PCDH15: variants seen among roughly 807,000 people sequenced by gnomAD.
PCDH15 encodes protocadherin related 15.
A neutral mutation model predicts 178.5 loss-of-function variants in PCDH15; 129 were observed. The observed-to-expected ratio is 0.72, with a 90% CI of 0.63 to 0.84. The LOEUF (loss-of-function observed/expected upper bound fraction) is 0.84, where lower values mean the gene tolerates loss of function less well. PCDH15 is among the 40% of genes least tolerant of loss of function. PCDH15 has a pLI of 0.00. For missense variants in PCDH15, 2,230 were observed against 2,099.9 expected, an observed-to-expected ratio of 1.06 and a Z score of -1.21; for synonymous variants, 800 against 732.0, an observed-to-expected ratio of 1.09 and a Z score of -1.50.
intron 2 of PCDH15, among the ~76,000 whole-genome samples, chr10:54,627,958 G>C (rs1433769122): frequency 6.6e-6 from 1 of 152,092 alleles, no homozygotes; most frequent in Non-Finnish European, 1.5e-5. Context: ...AATATCTCTA[G>C]GCTACTATTT....
intron 14 of PCDH15, among the ~76,000 whole-genome samples, chr10:54,149,290 C>A (rs1437835702): frequency 6.6e-6 from 1 of 151,994 alleles, no homozygotes; most frequent in Non-Finnish European, 1.5e-5. Flanking sequence ...ATTTTGGGGG[C>A]TTTCAAATGA....
chr10:54,918,280 T>C (rs1433360333), intron 2 of PCDH15, among the ~76,000 whole-genome samples: 1 of 152,022 alleles, frequency 6.6e-6, no homozygotes, highest in East Asian at 1.9e-4. Context: ...ATATGACAAG[T>C]CCCTTCTTGG....
At chr10:54,550,219 G>A (rs961262499) in intron 2 of PCDH15, among the ~76,000 whole-genome samples, 2 of 151,716 alleles carry the variant, frequency 1.3e-5, no homozygotes, top group Non-Finnish European at 2.9e-5. Flanking sequence ...TTTGTTATCC[G>A]TGTTTTTAGG....
At chr10:53,976,148 C>T (rs1201609171) in intron 21 of PCDH15, among the ~76,000 whole-genome samples, 2 of 151,956 alleles carry the variant, frequency 1.3e-5, no homozygotes, top group South Asian at 2.1e-4. Flanking sequence ...GTACCAGTAC[C>T]GTGTTGTTTT....
chr10:54,289,109 G>GTA (rs2059224100), intron 8 of PCDH15, among the ~76,000 whole-genome samples: 1 of 152,192 alleles, frequency 6.6e-6, no homozygotes, highest in African/African-American at 2.4e-5. Context: ...ACACCTCCCA[G>GTA]TACGGGCTGA....
In PCDH15 at chr10:53,805,818, C is replaced by CATGT. The variant is rs1841113385; in HGVS notation, c.*757_*760dup. The stretch of plus-strand genomic sequence containing the variant: ...AAGCTTTTGCTAAGGGTGAGATTTC[C>CATGT]ATGTTGCTCCAAACAATTATTTAAC... On this transcript the variant is annotated 3_prime_UTR_variant, in exon 38 of 38. Coordinates refer to ENST00000644397, the MANE Select transcript of PCDH15 (RefSeq NM_001384140.1). 1 of 152,022 alleles carries CATGT rather than the reference C, an allele frequency of 6.6e-6. No individual in the cohort carries two copies. Among genetic ancestry groups the CATGT allele is most frequent in the Non-Finnish European group, 1.5e-5 (1 of 68,000 alleles). The allele number at this position is 152,022 out of a possible 1,614,324, so 9.4% of individuals were successfully genotyped here. A position where few individuals can be genotyped will look rare whatever the true frequency, so the allele number is the denominator to read the frequency against.
intron 2 of PCDH15, among the ~76,000 whole-genome samples, chr10:54,549,507 A>C (rs981323035): frequency 1.3e-5 from 2 of 151,896 alleles, no homozygotes; most frequent in Admixed American, 1.3e-4. Flanking sequence ...TAGATGTCAG[A>C]GAATGTGGGT....
intron 2 of PCDH15, among the ~76,000 whole-genome samples, chr10:55,575,060 C>A (rs1274956310): frequency 6.6e-6 from 1 of 152,068 alleles, no homozygotes; most frequent in African/African-American, 2.4e-5. Context: ...AAAATCAGAG[C>A]TCTTCCTTGG....
At chr10:54,002,130 G>GTATA (rs367585512) in intron 20 of PCDH15, among the ~76,000 whole-genome samples, 1 of 149,244 alleles carries the variant, frequency 6.7e-6, no homozygotes, top group African/African-American at 2.5e-5. Context: ...GTGTGTGTGT[G>GTATA]TATATATATA....
chr10:53,978,095 C>T (rs1178475463), intron 21 of PCDH15, among the ~76,000 whole-genome samples: 2 of 152,150 alleles, frequency 1.3e-5, no homozygotes, highest in Admixed American at 6.5e-5. Context: ...ATTCTGGGGA[C>T]TGGAGGACAG....
chr10:54,831,702 T>C (rs1953229965), intron 3 of PCDH15, among the ~76,000 whole-genome samples: 1 of 152,092 alleles, frequency 6.6e-6, no homozygotes, highest in Non-Finnish European at 1.5e-5. Context: ...ATATTTTCAT[T>C]TCCAGGCATA....
intron 10 of PCDH15, among the ~76,000 whole-genome samples, chr10:54,212,011 G>A (rs1207488662): frequency 6.6e-6 from 1 of 151,858 alleles, no homozygotes; most frequent in African/African-American, 2.4e-5. Context: ...GTGGCCTATT[G>A]TAATTGATTT....
chr10:55,464,943 A>C (rs1184881396), intron 2 of PCDH15, among the ~76,000 whole-genome samples: 2 of 151,790 alleles, frequency 1.3e-5, no homozygotes, highest in Non-Finnish European at 2.9e-5. Flanking sequence ...ACAACAACAA[A>C]AAAACAGTGC....
intron 1 of PCDH15, among the ~76,000 whole-genome samples, chr10:55,316,545 T>A (rs1843726931): frequency 6.6e-6 from 1 of 152,138 alleles, no homozygotes; most frequent in Non-Finnish European, 1.5e-5. Flanking sequence ...AATCTATCAT[T>A]ACAAAGTTTC....
chr10:54,509,162 A>G (rs1171729276), intron 3 of PCDH15, among the ~76,000 whole-genome samples: 3 of 151,944 alleles, frequency 2.0e-5, no homozygotes, highest in Non-Finnish European at 4.4e-5. Context: ...GATGGTCTAG[A>G]GTTTGATATG....
chr10:54,321,984 A>G (rs1292494525), intron 7 of PCDH15, among the ~76,000 whole-genome samples: 6 of 152,044 alleles, frequency 3.9e-5, no homozygotes, highest in Non-Finnish European at 2.9e-5. Flanking sequence ...GTGAGCCCAT[A>G]ATGGTAATGC....
chr10:55,341,792 TATATATATATATA>T (rs1378603661), intron 2 of PCDH15, among the ~76,000 whole-genome samples: 54 of 12,800 alleles, frequency 4.2e-3, no homozygotes, highest in African/African-American at 6.2e-3. Context: ...TATATATATA[TATATATATATATA>T]TTTTTTTTTT....
intron 2 of PCDH15, among the ~76,000 whole-genome samples, chr10:54,901,665 A>G (rs1423468616): frequency 6.6e-6 from 1 of 152,156 alleles, no homozygotes; most frequent in Non-Finnish European, 1.5e-5. Context: ...AGTCTCATGT[A>G]GTCCTTACAT....
chr10:54,146,346 G>GC (rs1339879880), intron 14 of PCDH15, among the ~76,000 whole-genome samples: 3 of 151,866 alleles, frequency 2.0e-5, no homozygotes, highest in African/African-American at 7.2e-5. Context: ...GTTAGCCCAT[G>GC]CATCAGTCAT....
Sources: allele counts gnomAD v4.1 joint callset (sites outside exome capture counted in the v4.1 genomes callset), GRCh38; gene constraint gnomAD v4.1.1; transcripts MANE v1.5; gene names NCBI Gene and HGNC (gene_info 2026-07-23, HGNC 2026-07-21).